NRXN3: variants seen among roughly 807,000 people sequenced by gnomAD.
NRXN3 encodes neurexin III.
NRXN3 carries 32 observed loss-of-function variants against 137.6 expected under a neutral mutation model. The ratio of observed to expected loss-of-function variants is 0.23; its 90% CI spans 0.18 to 0.31. The LOEUF (loss-of-function observed/expected upper bound fraction) is 0.31, where lower values mean the gene tolerates loss of function less well. NRXN3 is among the 10% of genes least tolerant of loss of function. NRXN3 has a pLI of 1.00. For missense variants in NRXN3, 1,574 were observed against 2,062.5 expected (o/e 0.76, Z 4.59); for synonymous variants, 798 against 784.5 (o/e 1.02, Z -0.29).
At chr14:78,625,003 G>A (rs564699497) in intron 4 of NRXN3, among the ~76,000 whole-genome samples, 2 of 152,124 alleles carry the variant, frequency 1.3e-5, no homozygotes, top group South Asian at 2.1e-4. Context: ...CACCATGCCC[G>A]GCTAATTTTT....
At chr14:78,490,899 G>A (rs2095653851) in intron 4 of NRXN3, among the ~76,000 whole-genome samples, 1 of 152,032 alleles carries the variant, frequency 6.6e-6, no homozygotes, top group African/African-American at 2.4e-5. Context: ...GTCCATAGCT[G>A]ACCCAAAATA....
chr14:79,249,027 T>C (rs1301986993), intron 15 of NRXN3: 4 of 152,172 alleles, frequency 2.6e-5, no homozygotes, highest in African/African-American at 7.2e-5. Flanking sequence ...GAGACAGTTT[T>C]GTAGCAGGCA....
intron 15 of NRXN3, among the ~76,000 whole-genome samples, chr14:79,125,327 A>G (rs1448528137): frequency 6.6e-6 from 1 of 152,250 alleles, no homozygotes; most frequent in Non-Finnish European, 1.5e-5. Context: ...TTTCCTCACT[A>G]GAATGAAAGA....
At chr14:79,427,101 G>A (rs2095665021) in intron 15 of NRXN3, among the ~76,000 whole-genome samples, 2 of 152,130 alleles carry the variant, frequency 1.3e-5, no homozygotes, top group South Asian at 2.1e-4. Flanking sequence ...ATATTAGATA[G>A]AGGAAGATAT....
chr14:78,386,223 CT>C (rs1308060901), intron 4 of NRXN3, among the ~76,000 whole-genome samples: 1 of 152,128 alleles, frequency 6.6e-6, no homozygotes, highest in Non-Finnish European at 1.5e-5. Context: ...AGTGTTTTGC[CT>C]TAAAATTATC....
chr14:79,158,976 C>A (rs1221665811), intron 15 of NRXN3, among the ~76,000 whole-genome samples: 1 of 151,766 alleles, frequency 6.6e-6, no homozygotes, highest in Non-Finnish European at 1.5e-5. Context: ...GAAGAATGAG[C>A]AGGAGCACTG....
At chr14:78,353,532 CCTCCAAAGGCTGGGGTCACATTGGTG>C (rs1409902903) in intron 4 of NRXN3, among the ~76,000 whole-genome samples, 20 of 152,142 alleles carry the variant, frequency 1.3e-4, no homozygotes, top group Non-Finnish European at 2.9e-5. Flanking sequence ...GATCTAACTA[CCTCCAAAGGCTGGGGTCACATTGGTG>C]ATCAGGTTTC....
At chr14:78,556,919 C>CCCTCCT (rs1427897448) in intron 4 of NRXN3, among the ~76,000 whole-genome samples, 1 of 109,480 alleles carries the variant, frequency 9.1e-6, no homozygotes, top group Non-Finnish European at 1.9e-5. Flanking sequence ...CTCCCCCTTC[C>CCCTCCT]CCTCCTCCTC....
intron 15 of NRXN3, among the ~76,000 whole-genome samples, chr14:79,229,131 A>G (rs533752860): frequency 1.1e-4 from 17 of 152,296 alleles, no homozygotes; most frequent in African/African-American, 4.1e-4. Flanking sequence ...CCTTCCCTTC[A>G]TCAGCATTAT....
chr14:79,289,946 C>T (rs914691443), intron 15 of NRXN3, among the ~76,000 whole-genome samples: 1 of 152,084 alleles, frequency 6.6e-6, no homozygotes, highest in East Asian at 1.9e-4. Flanking sequence ...AACATAAAGC[C>T]CCTGGAAACC....
At chr14:79,764,423 T>C (rs1002026689) in intron 19 of NRXN3, among the ~76,000 whole-genome samples, 1 of 152,172 alleles carries the variant, frequency 6.6e-6, no homozygotes, top group African/African-American at 2.4e-5. Context: ...AATAATTGCA[T>C]TGTAAATATT....
At chr14:79,059,258 T>TTTTTTTTTTTTTTTTTC (rs1568145761) in intron 15 of NRXN3, among the ~76,000 whole-genome samples, 7 of 34,608 alleles carry the variant, frequency 2.0e-4, no homozygotes, top group African/African-American at 3.5e-4. Flanking sequence ...TTCTTTTTTT[T>TTTTTTTTTTTTTTTTTC]TTTTTTTTTT....
intron 16 of NRXN3, among the ~76,000 whole-genome samples, chr14:79,488,968 C>T (rs958294014): frequency 6.6e-6 from 1 of 152,024 alleles, no homozygotes; most frequent in Non-Finnish European, 1.5e-5. Context: ...GATAGATGCC[C>T]ATACCTTACC....
intron 16 of NRXN3, among the ~76,000 whole-genome samples, chr14:79,542,812 A>C (rs1370562296): frequency 6.6e-6 from 1 of 152,160 alleles, no homozygotes; most frequent in Non-Finnish European, 1.5e-5. Context: ...GGAAAGGGCC[A>C]CAGGAGAGCA....
chr14:79,136,727 T>A (rs529304792), intron 15 of NRXN3, among the ~76,000 whole-genome samples: 48 of 152,294 alleles, frequency 3.2e-4, no homozygotes, highest in African/African-American at 9.6e-4. Context: ...AGAGTCAATC[T>A]TATGTTCCCC....
intron 20 of NRXN3, among the ~76,000 whole-genome samples, chr14:79,829,766 C>A (rs1448612752): frequency 6.6e-6 from 1 of 152,070 alleles, no homozygotes; most frequent in Admixed American, 6.5e-5. Flanking sequence ...GTTATGGTAA[C>A]AACATCATCT....
At position 79,868,265 on chromosome 14, in the gene NRXN3, TAA is replaced by T; in HGVS notation, c.*6305_*6306del. On this transcript the variant is annotated 3_prime_UTR_variant, in exon 21 of 21. Transcript: ENST00000335750. ...TGACTAACCAGGACCAAAAAGTTAA[TAA>T]AAATACGAAAGTTTGGCACTCTTAG... 6.6e-6 allele frequency: 1 copy of T among 152,360 alleles called. No homozygotes were observed. The highest frequency in any genetic ancestry group is 3.4e-3 in the Middle Eastern group (1 of 294). 9.4% of individuals were successfully genotyped at this position (152,360 alleles called of 1,614,324 possible).
chr14:79,237,770 T>C (rs1471069202), intron 15 of NRXN3, among the ~76,000 whole-genome samples: 2 of 152,146 alleles, frequency 1.3e-5, no homozygotes, highest in African/African-American at 4.8e-5. Context: ...GTATGAGATT[T>C]GAATTAAGGA....
intron 14 of NRXN3, among the ~76,000 whole-genome samples, chr14:78,981,961 A>G (rs1273476714): frequency 2.0e-5 from 3 of 152,196 alleles, no homozygotes; most frequent in Admixed American, 6.5e-5. Flanking sequence ...AAATTGTTCT[A>G]GAGTCTAGCC....
Sources: allele counts gnomAD v4.1 joint callset (sites outside exome capture counted in the v4.1 genomes callset), GRCh38; gene constraint gnomAD v4.1.1; transcripts MANE v1.5; gene names NCBI Gene and HGNC (gene_info 2026-07-23, HGNC 2026-07-21).